GSE1: variants seen among roughly 807,000 people sequenced by gnomAD.
GSE1 encodes Gse1 coiled-coil protein.
GSE1 carries 32 observed loss-of-function variants against 112.6 expected under a neutral mutation model. That is an observed-to-expected ratio of 0.28 (90% CI 0.21 to 0.38). The LOEUF (loss-of-function observed/expected upper bound fraction) is 0.38. Ranked by LOEUF, GSE1 falls within the 10% of genes least tolerant of loss-of-function variation. The pLI is 1.00. For synonymous variants in GSE1, 1,115 were observed against 735.6 expected (o/e 1.52, Z -8.35); for missense variants, 2,348 against 1,699.2 (o/e 1.38, Z -6.71).
chr16:85,612,470 C>G (rs576538576), upstream of GSE1, among the ~76,000 whole-genome samples: 4 of 152,222 alleles, frequency 2.6e-5, no homozygotes, highest in South Asian at 8.3e-4. Flanking sequence ...CGGGCGACCT[C>G]GCCTCTGACC....
chr16:85,173,011 G>C (rs1354257384), intron 1 of GSE1, among the ~76,000 whole-genome samples: 3 of 152,224 alleles, frequency 2.0e-5, no homozygotes, highest in Non-Finnish European at 4.4e-5. Flanking sequence ...TGTGGCTTTG[G>C]TGGGATGGTC....
intron 1 of GSE1, among the ~76,000 whole-genome samples, chr16:85,261,388 C>T (rs1025474650): frequency 3.9e-5 from 6 of 152,234 alleles, no homozygotes; most frequent in Non-Finnish European, 7.3e-5. Flanking sequence ...GTGAATTTCA[C>T]GCAGTTTTGA....
chr16:85,497,662 T>C (rs2051225432), intron 2 of GSE1, among the ~76,000 whole-genome samples: 1 of 152,212 alleles, frequency 6.6e-6, no homozygotes, highest in South Asian at 2.1e-4. Flanking sequence ...TTGTCACATC[T>C]ACAAAGACCC....
chr16:85,426,319 G>A (rs1265956660), intron 2 of GSE1, among the ~76,000 whole-genome samples: 1 of 141,610 alleles, frequency 7.1e-6, no homozygotes, highest in Non-Finnish European at 1.5e-5. Context: ...GGAAGGGTGG[G>A]TGGGTAGATG....
chr16:85,622,228 C>G (rs564600240), intron 1 of GSE1, among the ~76,000 whole-genome samples: 2 of 152,272 alleles, frequency 1.3e-5, no homozygotes, highest in South Asian at 2.1e-4. Flanking sequence ...CTGGACAGCT[C>G]CATTCCAAAG....
At position 85,547,953 on chromosome 16, in the gene GSE1, C is replaced by T. The variant is rs150751160; in HGVS notation, c.2465-85961C>T. Among the ~76,000 whole-genome samples the T allele has an allele frequency of 8.9e-3, 1,262 of 142,408 alleles. 15 individuals carry two copies. The highest frequency in any genetic ancestry group is 0.031 in the African/African-American group (1,168 of 38,294). The allele number at this position is 142,408 out of a possible 152,430, so 93.4% of individuals were successfully genotyped here. A position where few individuals can be genotyped will look rare whatever the true frequency, so the allele number is the denominator to read the frequency against. On this transcript the variant is annotated intron_variant, in intron 2 of 2. Transcript: ENST00000637419. Reference sequence around the variant, plus strand: ...TATTCTAGAAATATTTGAGGCCGGGCGAGGTGGCTCATGCCTGTAATCCCA... The same window carrying T: ...TATTCTAGAAATATTTGAGGCCGGGTGAGGTGGCTCATGCCTGTAATCCCA...
intron 2 of GSE1, among the ~76,000 whole-genome samples, chr16:85,514,272 C>CTGG (rs1598021162): frequency 1.3e-5 from 2 of 149,714 alleles, no homozygotes; most frequent in East Asian, 3.9e-4. Flanking sequence ...CCTCTCCCTC[C>CTGG]AGTTGAGATT....
intron 1 of GSE1, among the ~76,000 whole-genome samples, chr16:85,202,985 A>AC (rs1466883080): frequency 2.5e-5 from 1 of 40,134 alleles, no homozygotes; most frequent in Non-Finnish European, 5.1e-5. Context: ...CCCCACCTCT[A>AC]CCCCCCTTCT....
intron 1 of GSE1, chr16:85,284,981 T>C (rs1480913056): frequency 6.6e-6 from 1 of 152,220 alleles, no homozygotes; most frequent in African/African-American, 2.4e-5. Context: ...CAAATAGCAC[T>C]GTGGTCATCG....
intron 2 of GSE1, among the ~76,000 whole-genome samples, chr16:85,466,494 C>G (rs144820357): frequency 6.6e-6 from 1 of 152,158 alleles, no homozygotes. Context: ...CTGAGCTCGT[C>G]GGTCCTGAGG....
chr16:85,667,966 A>ACCCTGGGTC (rs11268657), intron 13 of GSE1, among the ~76,000 whole-genome samples, 174 bp from the exon 14 acceptor site: 2 of 151,570 alleles, frequency 1.3e-5, no homozygotes, highest in East Asian at 3.9e-4. Context: ...GGACTTTCTC[A>ACCCTGGGTC]AGTGGCCCAG....
intron 1 of GSE1, among the ~76,000 whole-genome samples, chr16:85,245,188 C>CAAAAA (rs1555546207): frequency 6.6e-6 from 1 of 152,092 alleles, no homozygotes; most frequent in South Asian, 2.1e-4. Flanking sequence ...CAAAACAAAA[C>CAAAAA]ACCCCTGGCT....
At chr16:85,238,851 C>T (rs1177936243) in intron 1 of GSE1, among the ~76,000 whole-genome samples, 1 of 152,208 alleles carries the variant, frequency 6.6e-6, no homozygotes, top group Non-Finnish European at 1.5e-5. Flanking sequence ...CTTCCTCCAA[C>T]AGATACTTAA....
intron 1 of GSE1, among the ~76,000 whole-genome samples, chr16:85,206,197 G>C (rs2075112861): frequency 1.3e-5 from 2 of 152,054 alleles, no homozygotes; most frequent in Admixed American, 1.3e-4. Flanking sequence ...CAGATGGGGG[G>C]GGCGCATGTG....
intron 1 of GSE1, among the ~76,000 whole-genome samples, chr16:85,208,533 C>G (rs966138662): frequency 6.6e-6 from 1 of 152,254 alleles, no homozygotes; most frequent in Non-Finnish European, 1.5e-5. Context: ...CACCTGTCCC[C>G]TTTCACATGA....
chr16:85,615,141 T>G (rs1452586818), intron 1 of GSE1, among the ~76,000 whole-genome samples: 4 of 152,156 alleles, frequency 2.6e-5, no homozygotes, highest in African/African-American at 7.2e-5. Context: ...ACCCTGTGTT[T>G]ACGGCCGCCT....
chr16:85,602,746 C>A (rs1308604019), intron 1 of GSE1, among the ~76,000 whole-genome samples: 2 of 152,214 alleles, frequency 1.3e-5, no homozygotes, highest in East Asian at 3.8e-4. Context: ...CAGTTCCTCC[C>A]GGGCTTTTGA....
At chr16:85,469,220 C>A (rs2050212334) in intron 2 of GSE1, among the ~76,000 whole-genome samples, 1 of 151,888 alleles carries the variant, frequency 6.6e-6, no homozygotes, top group African/African-American at 2.4e-5. Context: ...CGTGCCATTG[C>A]ACTGCAGCCT....
At chr16:85,278,164 T>A (rs4075456) in intron 1 of GSE1, among the ~76,000 whole-genome samples, 1 of 152,086 alleles carries the variant, frequency 6.6e-6, no homozygotes, top group Non-Finnish European at 1.5e-5. Flanking sequence ...GGGTCTGAAT[T>A]CAAGCTGGTG....
Sources: allele counts gnomAD v4.1 joint callset (sites outside exome capture counted in the v4.1 genomes callset), GRCh38; gene constraint gnomAD v4.1.1; transcripts MANE v1.5; gene names NCBI Gene and HGNC (gene_info 2026-07-23, HGNC 2026-07-21).